PMFBP1: variants seen among roughly 807,000 people sequenced by gnomAD.
The protein encoded by PMFBP1 is polyamine modulated factor 1 binding protein 1.
In PMFBP1, 131 loss-of-function variants were observed where a neutral mutation model predicts 137.8. The ratio of observed to expected loss-of-function variants is 0.95; its 90% CI spans 0.82 to 1.10. The LOEUF is 1.10. Among genes scored for constraint, PMFBP1 ranks in the 50% least tolerant of loss-of-function variants. PMFBP1 has a pLI of 0.00. For missense variants in PMFBP1, 1,199 were observed against 1,175.4 expected (o/e 1.02, Z -0.29); for synonymous variants, 490 against 450.4 (o/e 1.09, Z -1.11).
chr16:72,215,456 T>C, the PMFBP1 span, among the ~76,000 whole-genome samples: 108 of 152,064 alleles, frequency 7.1e-4, no homozygotes, highest in Non-Finnish European at 1.2e-3. Context: ...CAGAAGATAA[T>C]AGAACAACCT....
At chr16:72,186,722 T>C in the PMFBP1 span, among the ~76,000 whole-genome samples, 9 of 152,156 alleles carry the variant, frequency 5.9e-5, no homozygotes, top group Non-Finnish European at 1.3e-4. Context: ...AGCAGAGTGA[T>C]AGGTGTGAAA....
At chr16:72,209,767 G>C in the PMFBP1 span, among the ~76,000 whole-genome samples, 50 of 152,262 alleles carry the variant, frequency 3.3e-4, no homozygotes, top group African/African-American at 9.6e-4. Context: ...GCTGGGAAAC[G>C]AGACCCATAC....
intron 20 of PMFBP1, 102 bp downstream of exon 20, chr16:72,119,749 T>C (rs2042347950): frequency 6.5e-7 from 1 of 1,538,218 alleles, no homozygotes; most frequent in Non-Finnish European, 8.7e-7. Flanking sequence ...GAAAATGACT[T>C]GAGGCCACAA....
intron 19 of PMFBP1, among the ~76,000 whole-genome samples, chr16:72,122,080 G>A (rs1220346729): frequency 6.6e-6 from 1 of 152,060 alleles, no homozygotes; most frequent in Non-Finnish European, 1.5e-5. Context: ...CCCATTGTCT[G>A]TTGTTTCCTT....
At chr16:72,169,315 T>C (rs763927221) in intron 2 of PMFBP1, among the ~76,000 whole-genome samples, 8 of 152,202 alleles carry the variant, frequency 5.3e-5, no homozygotes, top group Non-Finnish European at 1.0e-4. Context: ...AATTCTTACA[T>C]TTCACTTGTG....
Position 72,140,547 on chromosome 16 carries a change from C to G in PMFBP1, c.672G>C (p.Arg224=). Residue 224 remains arginine (R), a synonymous_variant, in exon 6 of 21, where the codon CGG becomes CGC. Transcript: ENST00000237353. The part of the protein sequence containing the change: ...PENKGDHSKV[R]IYTSPCMIQE... ...GAATCATGCAAGGAGAAGTGTATATCCGTACCTTTGAATGATCACCCTTGT... is the reference window on the plus strand; with the variant it reads ...GAATCATGCAAGGAGAAGTGTATATGCGTACCTTTGAATGATCACCCTTGT... 6.2e-7 allele frequency: 1 copy of G among 1,613,716 alleles called. No homozygotes were observed. The highest frequency in any genetic ancestry group is 8.5e-7 in the Non-Finnish European group (1 of 1,179,696).
chr16:72,125,196 C>T, intron 16 of PMFBP1, 42 bp downstream of exon 16: 1 of 1,594,408 alleles, frequency 6.3e-7, no homozygotes, highest in Non-Finnish European at 8.5e-7. Flanking sequence ...ACCTTGTGGA[C>T]CCCTACCAGG....
intron 5 of PMFBP1, among the ~76,000 whole-genome samples, chr16:72,145,479 G>A (rs940308507): frequency 1.3e-5 from 2 of 152,102 alleles, no homozygotes; most frequent in African/African-American, 2.4e-5. Context: ...AACTAGAGAA[G>A]TAAGAGCAAA....
chr16:72,200,600 T>C, the PMFBP1 span, among the ~76,000 whole-genome samples: 1 of 152,266 alleles, frequency 6.6e-6, no homozygotes, highest in Admixed American at 6.5e-5. Flanking sequence ...AGCATTTTAT[T>C]CCTGATGAAT....
intron 8 of PMFBP1, 32 bp downstream of exon 8, chr16:72,136,661 C>T: frequency 6.2e-7 from 1 of 1,614,046 alleles, no homozygotes; most frequent in Non-Finnish European, 8.5e-7. Flanking sequence ...TTCCTTCTGG[C>T]TCCCCTGCCA....
chr16:72,196,243 C>T, the PMFBP1 span, among the ~76,000 whole-genome samples: 2 of 152,154 alleles, frequency 1.3e-5, no homozygotes, highest in African/African-American at 2.4e-5. Flanking sequence ...ATGGTACCAA[C>T]ACCAAAGTCT....
At chr16:72,182,570 A>T in the PMFBP1 span, among the ~76,000 whole-genome samples, 2 of 152,208 alleles carry the variant, frequency 1.3e-5, no homozygotes, top group African/African-American at 4.8e-5. Context: ...TTATTTCCAA[A>T]GATGAAAGGA....
intron 5 of PMFBP1, among the ~76,000 whole-genome samples, chr16:72,144,695 T>C (rs1160987924): frequency 6.6e-6 from 1 of 152,194 alleles, no homozygotes; most frequent in East Asian, 1.9e-4. Context: ...TTTATAATCC[T>C]GAAGGTAGTG....
intron 18 of PMFBP1, among the ~76,000 whole-genome samples, 190 bp from the exon 19 acceptor site, chr16:72,123,178 A>G (rs1031920642): frequency 1.1e-4 from 17 of 151,930 alleles, no homozygotes. Context: ...TCTGAACTCA[A>G]CTCCTATGCA....
At chr16:72,188,034 G>A in the PMFBP1 span, among the ~76,000 whole-genome samples, 20 of 152,202 alleles carry the variant, frequency 1.3e-4, 1 homozygote, top group Non-Finnish European at 2.4e-4. Flanking sequence ...AATGCCAAAT[G>A]TTTTCATCAT....
chr16:72,210,277 A>C, the PMFBP1 span, among the ~76,000 whole-genome samples: 1 of 152,196 alleles, frequency 6.6e-6, no homozygotes, highest in African/African-American at 2.4e-5. Context: ...CCAGCAGGAG[A>C]GTAGGAGGAG....
intron 1 of PMFBP1, 114 bp from the exon 2 acceptor site, chr16:72,171,382 C>T (rs2043218700): frequency 1.5e-6 from 1 of 648,074 alleles, no homozygotes. Context: ...TTTTCCTGAA[C>T]TGTTAGCAAT....
intron 10 of PMFBP1, among the ~76,000 whole-genome samples, chr16:72,131,986 C>G (rs1319609133): frequency 6.6e-6 from 1 of 152,120 alleles, no homozygotes; most frequent in Non-Finnish European, 1.5e-5. Flanking sequence ...GCTGGGACTA[C>G]AGGTGCCCAC....
Position 72,123,546 on chromosome 16 carries a change from T to C in PMFBP1, c.2693A>G (p.Lys898Arg). ...TNLEQWAKQQKVANEKLGNQL... is the reference protein window; with the variant it reads ...TNLEQWAKQQRVANEKLGNQL... Reference sequence around the variant, plus strand: ...CCTCCCTTTTTCCTCCCATACTCACTTCTGCTGTTTTGCCCATTGCTCCAA... The same window carrying C: ...CCTCCCTTTTTCCTCCCATACTCACCTCTGCTGTTTTGCCCATTGCTCCAA... The change falls in exon 18 of 21, where the codon AAG becomes AGG. Residue 898 changes from lysine (K) to arginine (R), a missense_variant and splice_region_variant. By Grantham distance (26) the Lys-to-Arg change is conservative. Coordinates refer to ENST00000237353, the MANE Select transcript of PMFBP1 (RefSeq NM_031293.3). 6.2e-7 allele frequency: 1 copy of C among 1,613,902 alleles called. No individual in the cohort carries two copies. Among genetic ancestry groups the C allele is most frequent in the South Asian group, 1.1e-5 (1 of 91,042 alleles).
Sources: gnomAD v4.1 joint callset for allele counts (sites outside exome capture counted in the v4.1 genomes callset) on GRCh38, gnomAD v4.1.1 for gene constraint, MANE v1.5 for transcripts, NCBI Gene and HGNC (gene_info 2026-07-23, HGNC 2026-07-21) for gene names.